DNAAF11: variants seen among roughly 807,000 people sequenced by gnomAD.
The protein encoded by DNAAF11 is dynein axonemal assembly factor 11, also known as leucine rich repeat containing 6.
A neutral mutation model predicts 60.8 loss-of-function variants in DNAAF11; 45 were observed. The ratio of observed to expected loss-of-function variants is 0.74; its 90% CI spans 0.58 to 0.95. DNAAF11 has a LOEUF of 0.95. DNAAF11 is among the 40% of genes least tolerant of loss of function. The pLI, the probability that DNAAF11 is intolerant of heterozygous loss-of-function variation, is 0.00. For missense variants in DNAAF11, 546 were observed against 546.2 expected (o/e 1.00, Z 0.00); for synonymous variants, 191 against 183.5 (o/e 1.04, Z -0.33).
intron 10 of DNAAF11, among the ~76,000 whole-genome samples, chr8:132,609,544 T>C (rs113452238): frequency 5.3e-5 from 8 of 152,276 alleles, no homozygotes; most frequent in African/African-American, 1.7e-4. Flanking sequence ...TCAGCTAAAC[T>C]GACCTAAGAA....
At chr8:132,697,623 G>GA in the DNAAF11 span, among the ~76,000 whole-genome samples, 15,966 of 146,934 alleles carry the variant, frequency 0.11, 1,005 homozygotes, top group East Asian at 0.25. Context: ...ATCTCAAAAA[G>GA]AAAAAAAAAA....
chr8:132,642,721 T>C (rs996051254), intron 3 of DNAAF11, among the ~76,000 whole-genome samples: 1 of 152,158 alleles, frequency 6.6e-6, no homozygotes, highest in East Asian at 1.9e-4. Context: ...TGGAGGTGGA[T>C]CCTCTAGCAA....
intron 11 of DNAAF11, among the ~76,000 whole-genome samples, chr8:132,580,420 G>T (rs1230316515): frequency 6.6e-6 from 1 of 152,192 alleles, no homozygotes; most frequent in Non-Finnish European, 1.5e-5. Context: ...TAGTAAAGTT[G>T]CTGGCTACAA....
intron 11 of DNAAF11, among the ~76,000 whole-genome samples, chr8:132,581,278 C>T (rs1815297973): frequency 6.6e-6 from 1 of 152,022 alleles, no homozygotes; most frequent in African/African-American, 2.4e-5. Context: ...AAATAATTAA[C>T]CATAAAAAAG....
intron 4 of DNAAF11, among the ~76,000 whole-genome samples, chr8:132,636,321 A>G (rs1254698640): frequency 6.6e-6 from 1 of 152,128 alleles, no homozygotes; most frequent in Non-Finnish European, 1.5e-5. Flanking sequence ...CCCGGAGAGA[A>G]GCAGTGAATG....
intron 5 of DNAAF11, among the ~76,000 whole-genome samples, chr8:132,632,472 G>A (rs1187095591): frequency 6.6e-6 from 1 of 152,056 alleles, no homozygotes; most frequent in African/African-American, 2.4e-5. Flanking sequence ...CATCTTTTCT[G>A]TACACATTTT....
the DNAAF11 span, among the ~76,000 whole-genome samples, chr8:132,697,728 C>G: frequency 6.6e-6 from 1 of 151,920 alleles, no homozygotes; most frequent in East Asian, 1.9e-4. Context: ...TGGAATCGTA[C>G]TAGAGAGATT....
At chr8:132,650,892 TA>T (rs952643223) in intron 3 of DNAAF11, among the ~76,000 whole-genome samples, 1 of 152,200 alleles carries the variant, frequency 6.6e-6, no homozygotes, top group Admixed American at 6.5e-5. Flanking sequence ...ATTTTGTAGA[TA>T]AAAAACCCTC....
At chr8:132,588,075 A>G (rs376940788) in intron 10 of DNAAF11, among the ~76,000 whole-genome samples, 1 of 152,336 alleles carries the variant, frequency 6.6e-6, no homozygotes, top group African/African-American at 2.4e-5. Flanking sequence ...CAATGAAGCT[A>G]CTTAGCTCTG....
the DNAAF11 span, among the ~76,000 whole-genome samples, chr8:132,683,253 T>C: frequency 6.6e-6 from 1 of 152,210 alleles, no homozygotes. Flanking sequence ...ATCAATGACT[T>C]GTCTATGTAG....
chr8:132,688,594 G>T, the DNAAF11 span, among the ~76,000 whole-genome samples: 1 of 152,180 alleles, frequency 6.6e-6, no homozygotes, highest in Non-Finnish European at 1.5e-5. Flanking sequence ...ACTATTGCTA[G>T]AACTCTTAGG....
chr8:132,668,939 A>C (rs147134937), intron 1 of DNAAF11, among the ~76,000 whole-genome samples: 22 of 152,066 alleles, frequency 1.4e-4, no homozygotes, highest in Non-Finnish European at 3.1e-4. Flanking sequence ...CAGCGAAGAG[A>C]TTGTTCAGCC....
intron 10 of DNAAF11, among the ~76,000 whole-genome samples, chr8:132,600,184 A>G (rs1391746943): frequency 6.6e-6 from 1 of 152,218 alleles, no homozygotes; most frequent in Non-Finnish European, 1.5e-5. Flanking sequence ...TGCTTCAAAG[A>G]GAATAAAATA....
chr8:132,607,359 T>C (rs1399064015), intron 10 of DNAAF11, among the ~76,000 whole-genome samples: 1 of 152,188 alleles, frequency 6.6e-6, no homozygotes, highest in Non-Finnish European at 1.5e-5. Context: ...ATCTGTAGTA[T>C]GCCATCGACC....
chr8:132,622,765 A>G, intron 6 of DNAAF11, 77 bp from the exon 7 acceptor site: 1 of 1,016,658 alleles, frequency 9.8e-7, no homozygotes, highest in South Asian at 1.4e-5. Context: ...AAAGCAATTA[A>G]TACATTTTTG....
At chr8:132,697,340 G>GT in the DNAAF11 span, among the ~76,000 whole-genome samples, 1 of 152,142 alleles carries the variant, frequency 6.6e-6, no homozygotes, top group Non-Finnish European at 1.5e-5. Context: ...CAATAAAGCA[G>GT]TTTTTAAAAA....
the DNAAF11 span, among the ~76,000 whole-genome samples, chr8:132,697,102 G>T: frequency 6.6e-6 from 1 of 152,168 alleles, no homozygotes; most frequent in Non-Finnish European, 1.5e-5. Flanking sequence ...CCATTTACAT[G>T]AAATGTCCAG....
At chr8:132,594,748 G>A (rs1042659543) in intron 10 of DNAAF11, among the ~76,000 whole-genome samples, 4 of 152,050 alleles carry the variant, frequency 2.6e-5, no homozygotes, top group African/African-American at 4.8e-5. Flanking sequence ...CTGCTTCCCC[G>A]TCCACCATGA....
At chr8:132,631,072 C>A (rs1820750638) in intron 5 of DNAAF11, among the ~76,000 whole-genome samples, 1 of 152,198 alleles carries the variant, frequency 6.6e-6, no homozygotes, top group Admixed American at 6.5e-5. Context: ...GGCAACATTG[C>A]TTGAATATCT....
Sources: allele counts gnomAD v4.1 joint callset (sites outside exome capture counted in the v4.1 genomes callset), GRCh38; gene constraint gnomAD v4.1.1; transcripts MANE v1.5; gene names NCBI Gene and HGNC (gene_info 2026-07-23, HGNC 2026-07-21).